Variants in ANKRD26 observed in about 807,000 individuals in gnomAD.
The protein encoded by ANKRD26 is ankyrin repeat domain-containing protein 26.
Under a neutral mutation model 208.7 loss-of-function variants are expected in ANKRD26, and 141 were observed. That is an observed-to-expected ratio of 0.68 (90% CI 0.59 to 0.78). ANKRD26 has a LOEUF of 0.78. Ranked by LOEUF, ANKRD26 falls within the 30% of genes least tolerant of loss-of-function variation. The pLI, the probability that ANKRD26 is intolerant of heterozygous loss-of-function variation, is 0.00. For missense variants in ANKRD26, 1,889 were observed against 1,938.7 expected, an observed-to-expected ratio of 0.97 and a Z score of 0.48; for synonymous variants, 636 against 660.4, an observed-to-expected ratio of 0.96 and a Z score of 0.57.
chr10:27,009,935 A>G (rs2053034565), intron 32 of ANKRD26, among the ~76,000 whole-genome samples: 1 of 152,176 alleles, frequency 6.6e-6, no homozygotes, highest in African/African-American at 2.4e-5. Context: ...CAATGTACCA[A>G]CAAGTTTTGG....
At chr10:27,063,193 A>T (rs957957663) in intron 12 of ANKRD26, among the ~76,000 whole-genome samples, 1 of 152,192 alleles carries the variant, frequency 6.6e-6, no homozygotes. Context: ...AGTGAGGTGG[A>T]TGGGAAGAGT....
chr10:27,085,289 C>CG (rs1564427504), intron 5 of ANKRD26, among the ~76,000 whole-genome samples: 1 of 151,788 alleles, frequency 6.6e-6, no homozygotes, highest in East Asian at 1.9e-4. Flanking sequence ...TTAGTAGAGA[C>CG]GGGGTTTCAC....
At chr10:26,974,341 A>ATTTTTTTT (rs5783993) in exon 6 of ANKRD26, among the ~76,000 whole-genome samples, 1 of 129,306 alleles carries the variant, frequency 7.7e-6, no homozygotes, top group Non-Finnish European at 1.6e-5. Context: ...TTACTTCTGC[A>ATTTTTTTT]TTTTTTTTTT....
At chr10:26,982,491 T>A (rs546586263) in intron 4 of ANKRD26, among the ~76,000 whole-genome samples, 2 of 152,216 alleles carry the variant, frequency 1.3e-5, no homozygotes, top group East Asian at 3.9e-4. Context: ...TCAGGATTTT[T>A]CTTTTATGAG....
At chr10:27,032,915 AC>A (rs985595110) in intron 25 of ANKRD26, among the ~76,000 whole-genome samples, 8 of 151,064 alleles carry the variant, frequency 5.3e-5, no homozygotes, top group South Asian at 4.2e-4. Context: ...ACTAAAAAAA[AC>A]CACAAAAAAT....
chr10:27,001,933 T>C (rs2052734813), downstream of ANKRD26, among the ~76,000 whole-genome samples: 1 of 152,230 alleles, frequency 6.6e-6, no homozygotes, highest in Non-Finnish European at 1.5e-5. Flanking sequence ...AATTTCTTTC[T>C]ATCTCCTGTA....
At chr10:27,054,996 T>C (rs374977762) in intron 15 of ANKRD26, among the ~76,000 whole-genome samples, 26 of 152,136 alleles carry the variant, frequency 1.7e-4, no homozygotes, top group African/African-American at 5.8e-4. Context: ...TATGAATAAA[T>C]AAAGGGAGAT....
At chr10:27,071,640 G>A (rs1196748796) in intron 9 of ANKRD26, among the ~76,000 whole-genome samples, 3 of 152,066 alleles carry the variant, frequency 2.0e-5, no homozygotes, top group African/African-American at 7.2e-5. Flanking sequence ...AAGCAACACA[G>A]GACCTTAACA....
intron 5 of ANKRD26, among the ~76,000 whole-genome samples, chr10:26,992,303 A>T (rs1007509497): frequency 1.3e-5 from 2 of 152,044 alleles, no homozygotes; most frequent in African/African-American, 4.8e-5. Flanking sequence ...AGAATTTTAG[A>T]GGTAAATAAG....
intron 9 of ANKRD26, among the ~76,000 whole-genome samples, chr10:27,075,563 G>A (rs143781851): frequency 2.0e-5 from 3 of 152,052 alleles, no homozygotes; most frequent in Non-Finnish European, 4.4e-5. Context: ...AAATATATAC[G>A]CACCTATCTT....
chr10:27,038,096 A>G (rs1180350668), intron 21 of ANKRD26, 42 bp from the exon 22 acceptor site: 1 of 1,541,834 alleles, frequency 6.5e-7, no homozygotes, highest in African/African-American at 1.4e-5. Flanking sequence ...TATTGTTACA[A>G]AATAAAAAGT....
At chr10:27,065,658 C>A (rs1005038360) in intron 11 of ANKRD26, among the ~76,000 whole-genome samples, 5 of 149,488 alleles carry the variant, frequency 3.3e-5, no homozygotes, top group African/African-American at 1.2e-4. Context: ...ATGTTCCCTG[C>A]AGATCTATAC....
chr10:27,033,746 A>C (rs1421939147), intron 24 of ANKRD26, among the ~76,000 whole-genome samples: 5 of 152,194 alleles, frequency 3.3e-5, no homozygotes, highest in Non-Finnish European at 7.3e-5. Flanking sequence ...CTTTTTTATT[A>C]GAACATCAAA....
At chr10:27,041,726 G>T (rs2054245792) in intron 20 of ANKRD26, among the ~76,000 whole-genome samples, 1 of 151,798 alleles carries the variant, frequency 6.6e-6, no homozygotes, top group Non-Finnish European at 1.5e-5. Context: ...AGACATCAAT[G>T]AACTACGGAA....
intron 32 of ANKRD26, among the ~76,000 whole-genome samples, chr10:27,011,993 C>G (rs2053129091): frequency 6.6e-6 from 1 of 152,152 alleles, no homozygotes; most frequent in East Asian, 1.9e-4. Context: ...TAAGAATGTA[C>G]TCCTAAGTAA....
At position 27,044,173 on chromosome 10, in the gene ANKRD26, G is replaced by C. The variant is rs767863138; in HGVS notation, c.2003C>G (p.Ser668Cys). 6.4e-6 allele frequency: 9 copies of C among 1,417,114 alleles called. No homozygotes were observed. The Admixed American group carries it at 9.8e-5, about 15-fold the overall frequency. 87.8% of individuals were successfully genotyped at this position (1,417,114 alleles called of 1,614,324 possible). ...EDEGRPTKKT[S>C]NEKNKVKNQI... ...TTACAGTACCTTGTTCTTTTCATTA[G>C]ATGTTTTCTTAGTAGGCCTAAAAAA... Residue 668 changes from serine to cysteine, a missense_variant, in exon 19 of 34, where the codon TCT becomes TGT. Transcript: ENST00000376087.
At chr10:27,016,797 T>C (rs888446295) in intron 30 of ANKRD26, among the ~76,000 whole-genome samples, 11 of 152,148 alleles carry the variant, frequency 7.2e-5, no homozygotes, top group Non-Finnish European at 1.5e-4. Flanking sequence ...ATTTAATTTA[T>C]ATAAAACCTG....
chr10:26,972,664 C>T (rs910850769), downstream of ANKRD26, among the ~76,000 whole-genome samples: 4 of 147,618 alleles, frequency 2.7e-5, no homozygotes, highest in South Asian at 2.1e-4. Flanking sequence ...GATCTTGGCT[C>T]ACTGCAAGTT....
At chr10:27,062,054 C>T in intron 12 of ANKRD26, 1 of 985,192 alleles carries the variant, frequency 1.0e-6, no homozygotes, top group Non-Finnish European at 1.2e-6. Flanking sequence ...TCGTTAACTC[C>T]AAGATGACTT....
Sources: allele counts gnomAD v4.1 joint callset (sites outside exome capture counted in the v4.1 genomes callset), GRCh38; gene constraint gnomAD v4.1.1; transcripts MANE v1.5; gene names NCBI Gene and HGNC (gene_info 2026-07-23, HGNC 2026-07-21).